DAB1: variants seen among roughly 807,000 people sequenced by gnomAD.
DAB1 encodes DAB adaptor protein 1, also known as disabled homolog 1.
DAB1 carries 15 observed loss-of-function variants against 64.6 expected under a neutral mutation model. The observed-to-expected ratio is 0.23, with a 90% CI of 0.16 to 0.36. DAB1 has a LOEUF of 0.36. Among genes scored for constraint, DAB1 ranks in the 10% least tolerant of loss-of-function variants. The pLI, the probability that DAB1 is intolerant of heterozygous loss-of-function variation, is 1.00. For synonymous variants in DAB1, 235 were observed against 251.9 expected (o/e 0.93, Z 0.64); for missense variants, 596 against 706.7 (o/e 0.84, Z 1.78).
intron 5 of DAB1, among the ~76,000 whole-genome samples, chr1:58,130,145 A>T (rs1401137809): frequency 2.1e-5 from 3 of 141,086 alleles, no homozygotes; most frequent in Non-Finnish European, 3.1e-5. Flanking sequence ...GTGCTCCTGT[A>T]TTGGGTGCAT....
chr1:58,505,965 G>A, intron 3 of DAB1: 1 of 691,696 alleles, frequency 1.4e-6, no homozygotes, highest in Non-Finnish European at 2.5e-6. Context: ...TAGTTAATAG[G>A]CTAGAACTCT....
At chr1:57,408,636 A>T (rs269041) in intron 1 of DAB1, among the ~76,000 whole-genome samples, 37 of 152,216 alleles carry the variant, frequency 2.4e-4, no homozygotes, top group African/African-American at 8.7e-4. Context: ...CCGCCAGCTG[A>T]GTCACTCTCA....
chr1:58,496,298 T>C (rs139349784), intron 3 of DAB1, among the ~76,000 whole-genome samples: 2 of 152,278 alleles, frequency 1.3e-5, no homozygotes, highest in African/African-American at 4.8e-5. Flanking sequence ...TTACAGCTTC[T>C]CTGTTGAATT....
intron 5 of DAB1, among the ~76,000 whole-genome samples, chr1:57,960,405 T>C (rs1409365765): frequency 6.6e-6 from 1 of 152,046 alleles, no homozygotes; most frequent in Non-Finnish European, 1.5e-5. Flanking sequence ...ACATGGTGCT[T>C]GGTACATTAT....
At chr1:57,189,186 C>T (rs748690018) in intron 2 of DAB1, among the ~76,000 whole-genome samples, 2 of 152,152 alleles carry the variant, frequency 1.3e-5, no homozygotes, top group South Asian at 2.1e-4. Context: ...AATAACTTAA[C>T]GGCTGATGTT....
At chr1:57,160,385 C>T (rs1660634027) in intron 2 of DAB1, among the ~76,000 whole-genome samples, 1 of 152,016 alleles carries the variant, frequency 6.6e-6, no homozygotes, top group African/African-American at 2.4e-5. Context: ...GTTCACAGAG[C>T]TAGCAAAGGC....
intron 5 of DAB1, among the ~76,000 whole-genome samples, chr1:58,124,655 A>G (rs953053199): frequency 7.2e-5 from 11 of 152,226 alleles, no homozygotes; most frequent in Non-Finnish European, 1.3e-4. Flanking sequence ...TATTTTATAC[A>G]AGGAAAGAGT....
chr1:57,620,769 G>A (rs902700147), intron 7 of DAB1, among the ~76,000 whole-genome samples: 4 of 152,172 alleles, frequency 2.6e-5, no homozygotes, highest in Admixed American at 2.0e-4. Context: ...GGAGGAGGAC[G>A]TAACAGCTGC....
intron 6 of DAB1, among the ~76,000 whole-genome samples, chr1:57,801,708 A>G (rs928586585): frequency 1.3e-5 from 2 of 151,682 alleles, no homozygotes; most frequent in African/African-American, 4.8e-5. Flanking sequence ...CCCAGGCTGG[A>G]GTGCAGTGGC....
intron 5 of DAB1, among the ~76,000 whole-genome samples, chr1:57,968,518 GAA>G: frequency 6.6e-6 from 1 of 152,214 alleles, no homozygotes; most frequent in East Asian, 1.9e-4. Context: ...TTCCAGCCTG[GAA>G]AATTGGCATG....
intron 6 of DAB1, among the ~76,000 whole-genome samples, chr1:57,793,977 A>G (rs777634330): frequency 2.0e-5 from 3 of 152,160 alleles, no homozygotes; most frequent in Non-Finnish European, 4.4e-5. Flanking sequence ...ATGCCCTGCC[A>G]GGAGTGAGAG....
Position 58,491,771 on chromosome 1 carries a change from C to G in DAB1, n.257+14289G>C, listed in dbSNP as rs560880508. ...AGCACCCAGATTCATAAAGCAAGTC[C>G]TTAGAGACCTACAAAGTGACTTAGA... On this transcript the variant is annotated intron_variant and non_coding_transcript_variant, in intron 3 of 20. Transcript: ENST00000485760. 8.4e-3 allele frequency among the ~76,000 whole-genome samples: 1,283 copies of G among 152,274 alleles called. 15 individuals carry two copies. The highest frequency in any genetic ancestry group is 0.029 in the African/African-American group (1,201 of 41,550).
intron 5 of DAB1, among the ~76,000 whole-genome samples, chr1:57,924,104 C>T (rs1644846351): frequency 1.3e-5 from 2 of 152,152 alleles, no homozygotes; most frequent in Admixed American, 1.3e-4. Flanking sequence ...CACTTTGACT[C>T]CTCATAAAAC....
chr1:58,337,849 A>C (rs1663159330), intron 4 of DAB1, among the ~76,000 whole-genome samples: 1 of 152,188 alleles, frequency 6.6e-6, no homozygotes, highest in Non-Finnish European at 1.5e-5. Context: ...ATAAATGTTA[A>C]GTTCAGTGAG....
chr1:57,993,883 A>C (rs1214501123), intron 5 of DAB1, among the ~76,000 whole-genome samples: 1 of 152,206 alleles, frequency 6.6e-6, no homozygotes, highest in African/African-American at 2.4e-5. Context: ...TTCATTCATT[A>C]GTATTTTACA....
chr1:57,327,995 G>A (rs1676320122), intron 1 of DAB1, among the ~76,000 whole-genome samples: 1 of 152,118 alleles, frequency 6.6e-6, no homozygotes, highest in Admixed American at 6.5e-5. Context: ...CATTTTCTGG[G>A]GGAGGAATCT....
chr1:57,344,765 G>C (rs114380860), intron 1 of DAB1, among the ~76,000 whole-genome samples: 1 of 152,098 alleles, frequency 6.6e-6, no homozygotes, highest in East Asian at 1.9e-4. Context: ...GCACACAGAC[G>C]TGGGCTTGAT....
At chr1:57,440,612 G>A (rs1288763293) in intron 7 of DAB1, among the ~76,000 whole-genome samples, 1 of 152,114 alleles carries the variant, frequency 6.6e-6, no homozygotes, top group Non-Finnish European at 1.5e-5. Context: ...TGGTTTAGGG[G>A]ATGTTACCAA....
At chr1:57,665,861 G>C (rs1159734741) in intron 6 of DAB1, among the ~76,000 whole-genome samples, 4 of 150,138 alleles carry the variant, frequency 2.7e-5, no homozygotes, top group African/African-American at 9.8e-5. Context: ...GTGTGTGTGT[G>C]TGTGTGTGTG....
Sources: allele counts gnomAD v4.1 joint callset (sites outside exome capture counted in the v4.1 genomes callset), GRCh38; gene constraint gnomAD v4.1.1; transcripts MANE v1.5; gene names NCBI Gene and HGNC (gene_info 2026-07-23, HGNC 2026-07-21).